TTC28: variants seen among roughly 807,000 people sequenced by gnomAD.
The protein encoded by TTC28 is tetratricopeptide repeat protein 28.
In TTC28, 61 loss-of-function variants were observed where a neutral mutation model predicts 198.0. The ratio of observed to expected loss-of-function variants is 0.31; its 90% confidence interval spans 0.25 to 0.38. The LOEUF (loss-of-function observed/expected upper bound fraction) is 0.38. Among genes scored for constraint, TTC28 ranks in the 10% least tolerant of loss-of-function variants. TTC28 has a pLI of 1.00. For missense variants in TTC28, 2,678 were observed against 3,164.0 expected (o/e 0.85, Z 3.69); for synonymous variants, 1,171 against 1,297.8 (o/e 0.90, Z 2.10).
chr22:28,532,119 G>A (rs1320698665), intron 2 of TTC28, among the ~76,000 whole-genome samples: 1 of 151,804 alleles, frequency 6.6e-6, no homozygotes, highest in Admixed American at 6.6e-5. Flanking sequence ...AATGGAGGAG[G>A]TGGTTTTCTG....
intron 5 of TTC28, among the ~76,000 whole-genome samples, chr22:28,288,799 C>T (rs2044735274): frequency 1.4e-5 from 2 of 141,200 alleles, no homozygotes; most frequent in Non-Finnish European, 1.5e-5. Context: ...GGCGACAGAG[C>T]GAGACTCCGT....
At chr22:28,182,101 C>T (rs28579300) in intron 5 of TTC28, among the ~76,000 whole-genome samples, 11,068 of 152,110 alleles carry the variant, frequency 0.073, 454 homozygotes, top group South Asian at 0.09. Context: ...AGGATTATTT[C>T]TGGAAATTTA....
intron 2 of TTC28, among the ~76,000 whole-genome samples, chr22:28,508,648 T>C (rs2048645121): frequency 6.6e-6 from 1 of 151,938 alleles, no homozygotes; most frequent in African/African-American, 2.4e-5. Flanking sequence ...TACATAATGG[T>C]AAAGGGTTCA....
At chr22:28,424,310 A>G (rs2047311522) in intron 2 of TTC28, among the ~76,000 whole-genome samples, 1 of 152,120 alleles carries the variant, frequency 6.6e-6, no homozygotes, top group Non-Finnish European at 1.5e-5. Flanking sequence ...GCCCTGCCTG[A>G]AACAAAACCC....
At chr22:28,152,271 C>T (rs997630540) in intron 6 of TTC28, among the ~76,000 whole-genome samples, 1 of 152,170 alleles carries the variant, frequency 6.6e-6, no homozygotes, top group African/African-American at 2.4e-5. Context: ...TGTCTTCTCC[C>T]TGGGCATGAA....
chr22:27,983,793 A>T lies in TTC28; in HGVS notation c.5874T>A (p.Leu1958=). ...CGTTGGAAACAGACTGAGCAGAAGC[A>T]AGAGACTCGAGGGAGGAGGAGCTGT... ...SLDSSSSLES[L]ASAQSVSNAL... is the part of the protein sequence containing the mutation. The change falls in exon 23 of 23, where the codon CTT becomes CTA. Residue 1958 remains leucine (L), a synonymous_variant. Coordinates refer to ENST00000397906, the MANE Select transcript of TTC28 (RefSeq NM_001145418.2). The T allele has an allele frequency of 6.4e-7, 1 of 1,551,734 alleles. No individual in the cohort carries two copies.
intron 12 of TTC28, among the ~76,000 whole-genome samples, chr22:28,034,027 AAG>A (rs1389382738): frequency 1.3e-5 from 2 of 152,362 alleles, no homozygotes; most frequent in East Asian, 3.9e-4. Context: ...CAAGAAAAGA[AAG>A]AGAGGAGAAG....
chr22:28,536,502 T>C (rs960795993), intron 2 of TTC28, among the ~76,000 whole-genome samples: 10 of 151,418 alleles, frequency 6.6e-5, no homozygotes, highest in Non-Finnish European at 1.2e-4. Context: ...CAGGCGCCTG[T>C]AGTCCCGGCT....
chr22:28,497,655 G>C (rs773494765), intron 2 of TTC28, among the ~76,000 whole-genome samples: 1 of 152,110 alleles, frequency 6.6e-6, no homozygotes, highest in African/African-American at 2.4e-5. Context: ...AACTACAGTG[G>C]GCGGCTAGGG....
chr22:28,065,299 A>C (rs1030007387), intron 12 of TTC28, among the ~76,000 whole-genome samples: 28 of 152,372 alleles, frequency 1.8e-4, no homozygotes, highest in Admixed American at 1.4e-3. Context: ...TACTAAAGAA[A>C]GTATGGGTTA....
chr22:28,094,303 G>A lies in TTC28; in HGVS notation c.3767-58C>T, dbSNP rs373352285. ...ACAATTAGGGTCAGAGAAAGGAGAA[G>A]TTGAAGGCAGGGGACAGGAATGCCA... On this transcript the variant is annotated intron_variant, in intron 11 of 22. Transcript: ENST00000397906. 4 of 1,450,070 alleles carry A rather than the reference G, an allele frequency of 2.8e-6. No homozygotes were observed. The African/African-American group carries it at 5.7e-5, about 21-fold the overall frequency. The allele number at this position is 1,450,070 out of a possible 1,614,324, so 89.8% of individuals were successfully genotyped here.
At position 28,280,418 on chromosome 22, in the gene TTC28, C is replaced by T. The variant is rs551089145; in HGVS notation, c.933+15780G>A. Among the ~76,000 whole-genome samples, 19 of 152,096 alleles carry T rather than the reference C, an allele frequency of 1.2e-4. 1 individual carries two copies. The highest frequency in any genetic ancestry group is 3.4e-4 in the African/African-American group (14 of 41,492). On this transcript the variant is annotated intron_variant, in intron 5 of 22. Transcript: ENST00000397906. ...CTCGGCTCACTGTAACCTCCGCCTC[C>T]GCCTCCGCCTCCTGGGTTCAAGCGA...
chr22:28,441,150 T>C (rs2047615082), intron 2 of TTC28, among the ~76,000 whole-genome samples: 1 of 152,196 alleles, frequency 6.6e-6, no homozygotes, highest in African/African-American at 2.4e-5. Flanking sequence ...CTGCCAAGAA[T>C]AATACTTCCG....
At chr22:28,644,842 A>T (rs2051430495) in intron 1 of TTC28, among the ~76,000 whole-genome samples, 1 of 151,536 alleles carries the variant, frequency 6.6e-6, no homozygotes, top group African/African-American at 2.4e-5. Context: ...ACTAAATTAA[A>T]ATTTTTTAAA....
chr22:28,595,952 T>G (rs1301752757), intron 2 of TTC28, among the ~76,000 whole-genome samples: 1 of 151,990 alleles, frequency 6.6e-6, no homozygotes. Flanking sequence ...TAAGTCACTG[T>G]TCTACACACA....
At chr22:28,483,135 T>C (rs1435703763) in intron 2 of TTC28, among the ~76,000 whole-genome samples, 1 of 152,212 alleles carries the variant, frequency 6.6e-6, no homozygotes, top group Non-Finnish European at 1.5e-5. Context: ...CCGAGCTGTT[T>C]TCCACAGTCA....
At chr22:28,077,591 T>C (rs1046442667) in intron 12 of TTC28, among the ~76,000 whole-genome samples, 13 of 152,338 alleles carry the variant, frequency 8.5e-5, no homozygotes, top group East Asian at 3.9e-4. Flanking sequence ...CTTGTTAATA[T>C]TTGCCGCTTG....
intron 2 of TTC28, among the ~76,000 whole-genome samples, chr22:28,318,812 C>CTTTTTTTTT (rs71316836): frequency 3.3e-5 from 2 of 61,324 alleles, no homozygotes; most frequent in African/African-American, 6.5e-5. Flanking sequence ...GAAGTGTATT[C>CTTTTTTTTT]TTTTTTTTTT....
intron 2 of TTC28, among the ~76,000 whole-genome samples, chr22:28,584,011 G>GT (rs1408950584): frequency 4.1e-5 from 5 of 123,090 alleles, no homozygotes; most frequent in African/African-American, 1.6e-4. Context: ...TTTTTGTTTT[G>GT]TTTTGTTTTT....
Sources: gnomAD v4.1 joint callset for allele counts (sites outside exome capture counted in the v4.1 genomes callset) on GRCh38, gnomAD v4.1.1 for gene constraint, MANE v1.5 for transcripts, NCBI Gene and HGNC (gene_info 2026-07-23, HGNC 2026-07-21) for gene names.